Variants in SPC25 observed in about 807,000 individuals in gnomAD.
SPC25 encodes the protein kinetochore protein Spc25.
Under a neutral mutation model 29.6 loss-of-function variants are expected in SPC25, and 22 were observed. The observed-to-expected ratio is 0.74, with a 90% CI of 0.53 to 1.06. The LOEUF (loss-of-function observed/expected upper bound fraction) is 1.06. Ranked by LOEUF, SPC25 falls within the 50% of genes least tolerant of loss-of-function variation. The pLI, the probability that SPC25 is intolerant of heterozygous loss-of-function variation, is 0.00. For synonymous variants in SPC25, 91 were observed against 90.4 expected, an observed-to-expected ratio of 1.01 and a Z score of -0.04; for missense variants, 230 against 255.8, an observed-to-expected ratio of 0.90 and a Z score of 0.69.
At chr2:168,863,282 T>C in intron 4 of SPC25, 2 of 432,278 alleles carry the variant, frequency 4.6e-6, no homozygotes, top group Non-Finnish European at 6.2e-6. Flanking sequence ...AGGGAGAACT[T>C]AGAGACCGAG....
At chr2:168,869,342 G>A (rs571024454), downstream of SPC25, among the ~76,000 whole-genome samples, 13 of 152,256 alleles carry the variant, frequency 8.5e-5, no homozygotes, top group African/African-American at 2.9e-4. Context: ...ACATAGTGTT[G>A]GAAGTTCTGG....
intron 5 of SPC25, among the ~76,000 whole-genome samples, chr2:168,874,004 T>G (rs984219226): frequency 6.6e-6 from 1 of 152,078 alleles, no homozygotes; most frequent in Admixed American, 6.6e-5. Context: ...CTGATAAAGG[T>G]TGAATACATA....
chr2:168,864,717 A>G lies in SPC25; in HGVS notation n.419+8868T>C, dbSNP rs1689745103. On this transcript the variant is annotated intron_variant and non_coding_transcript_variant, in intron 4 of 4. Transcript: ENST00000479309. ...ATTTGGCTTCATCTGAATCAAGTGC[A>G]GAAAATGACACTACCAAGTAAATCC... The G allele has an allele frequency of 1.0e-5, 12 of 1,186,378 alleles. No homozygotes were observed. In the South Asian group the frequency reaches 1.8e-4, roughly 17 times the overall value. The allele number at this position is 1,186,378 out of a possible 1,614,324, so 73.5% of individuals were successfully genotyped here. A position where few individuals can be genotyped will look rare whatever the true frequency, so the allele number is the denominator to read the frequency against.
At chr2:168,862,618 A>G (rs1689535572) in intron 4 of SPC25, among the ~76,000 whole-genome samples, 1 of 152,226 alleles carries the variant, frequency 6.6e-6, no homozygotes, top group East Asian at 1.9e-4. Context: ...CTTCTCAGAA[A>G]AGCTTTTTAC....
intron 3 of SPC25, among the ~76,000 whole-genome samples, chr2:168,883,990 T>C (rs1428835066): frequency 6.6e-6 from 1 of 152,082 alleles, no homozygotes; most frequent in East Asian, 1.9e-4. Context: ...AGGATGGTCT[T>C]GATCTTTTGA....
intron 3 of SPC25, among the ~76,000 whole-genome samples, chr2:168,887,312 C>CT (rs1225267260): frequency 6.6e-6 from 1 of 151,760 alleles, no homozygotes; most frequent in Non-Finnish European, 1.5e-5. Flanking sequence ...GTCTCAGCTA[C>CT]TTGGGAGGCT....
At position 168,889,048 on chromosome 2, in the gene SPC25, CATATATATACATATATATATACACAT is replaced by C. The variant is rs1690339211; in HGVS notation, c.199+152_199+177del. On this transcript the variant is annotated intron_variant, in intron 3 of 6. Transcript: ENST00000282074. ...ACATATATATACATATATATATACA[CATATATATACATATATATATACACAT>C]ATATATACATATATATACACATATA... Among the ~76,000 whole-genome samples, 14 of 89,968 alleles carry C rather than the reference CATATATATACATATATATATACACAT, an allele frequency of 1.6e-4. No homozygotes were observed. The South Asian group carries it at 2.5e-3, about 16-fold the overall frequency. The allele number at this position is 89,968 out of a possible 152,430, so 59.0% of individuals were successfully genotyped here. A position where few individuals can be genotyped will look rare whatever the true frequency, so the allele number is the denominator to read the frequency against.
In SPC25 at chr2:168,877,345, T is replaced by C; in HGVS notation, c.239A>G (p.Asp80Gly). The C allele has an allele frequency of 6.2e-7, 1 of 1,613,854 alleles. No homozygotes were observed. Among genetic ancestry groups the C allele is most frequent in the Non-Finnish European group, 8.5e-7 (1 of 1,179,882 alleles). ...RQNKLIQEKK[D>G]NLLKLIAEVK... ...TTCAGCAATCAATTTTAACAAGTTA[T>C]CCTTTTTTTCTTGAATGAGCTTATT... The change falls in exon 4 of 7, where the codon GAT becomes GGT. Residue 80 changes from aspartate to glycine, a missense_variant. Physicochemically the swap from Asp to Gly is moderately conservative, Grantham distance 94 (BLOSUM62 -1). Coordinates refer to ENST00000282074, the MANE Select transcript of SPC25 (RefSeq NM_020675.4).
At chr2:168,864,575 A>T (rs1689734709) in intron 4 of SPC25, among the ~76,000 whole-genome samples, 1 of 152,266 alleles carries the variant, frequency 6.6e-6, no homozygotes, top group Non-Finnish European at 1.5e-5. Flanking sequence ...GTCACCCACC[A>T]CGCCCAGCCA....
downstream of SPC25, among the ~76,000 whole-genome samples, chr2:168,870,412 G>A (rs1689956313): frequency 6.6e-6 from 1 of 151,274 alleles, no homozygotes; most frequent in African/African-American, 2.4e-5. Context: ...CCATCAGAGT[G>A]AACAGGCAAC....
At chr2:168,864,983 A>C in intron 4 of SPC25, 1 of 1,613,644 alleles carries the variant, frequency 6.2e-7, no homozygotes, top group Non-Finnish European at 8.5e-7. Flanking sequence ...CAAGACTCTG[A>C]ACATACTACC....
At chr2:168,879,360 G>A (rs73032266) in intron 3 of SPC25, among the ~76,000 whole-genome samples, 1,796 of 152,282 alleles carry the variant, frequency 0.012, 37 homozygotes, top group African/African-American at 0.04. Flanking sequence ...ATCCTTTGTT[G>A]TCAGTTAAAC....
intron 5 of SPC25, among the ~76,000 whole-genome samples, chr2:168,874,673 G>C (rs1690056049): frequency 6.6e-6 from 1 of 152,102 alleles, no homozygotes; most frequent in Non-Finnish European, 1.5e-5. Flanking sequence ...AATCAGCAAA[G>C]GGAAAAGGTA....
intron 3 of SPC25, 48 bp from the exon 4 acceptor site, chr2:168,877,432 A>T: frequency 6.2e-7 from 1 of 1,604,586 alleles, no homozygotes; most frequent in African/African-American, 1.3e-5. Flanking sequence ...GCTCTCTGAC[A>T]TGTATCTAAG....
At chr2:168,863,250 A>AGAT in intron 4 of SPC25, 1 of 248,590 alleles carries the variant, frequency 4.0e-6, no homozygotes, top group Non-Finnish European at 6.4e-6. Context: ...TCTTGTTAAT[A>AGAT]GATTATGTCA....
At chr2:168,863,777 C>A in intron 4 of SPC25, 1 of 445,672 alleles carries the variant, frequency 2.2e-6, no homozygotes, top group Non-Finnish European at 3.0e-6. Context: ...GCCAACACGC[C>A]AAACAATCAA....
At chr2:168,875,485 A>G (rs183684874) in intron 5 of SPC25, among the ~76,000 whole-genome samples, 1 of 152,280 alleles carries the variant, frequency 6.6e-6, no homozygotes, top group African/African-American at 2.4e-5. Flanking sequence ...TAATAATAAA[A>G]CAGAACAATT....
At chr2:168,872,666 C>G (rs1263657306) in intron 6 of SPC25, among the ~76,000 whole-genome samples, 1 of 151,966 alleles carries the variant, frequency 6.6e-6, no homozygotes, top group Admixed American at 6.6e-5. Flanking sequence ...CAGATTATAC[C>G]ATAAGAGAAT....
At chr2:168,865,046 C>G in intron 4 of SPC25, 1 of 1,490,172 alleles carries the variant, frequency 6.7e-7, no homozygotes, top group Non-Finnish European at 9.1e-7. Context: ...ATAAAGTGCT[C>G]TTACCTTTAC....
Sources: gnomAD v4.1 joint callset for allele counts (sites outside exome capture counted in the v4.1 genomes callset) on GRCh38, gnomAD v4.1.1 for gene constraint, MANE v1.5 for transcripts, NCBI Gene and HGNC (gene_info 2026-07-23, HGNC 2026-07-21) for gene names.